Variants in CREB5 observed in about 807,000 individuals in gnomAD.
CREB5 encodes cyclic AMP-responsive element-binding protein 5.
In CREB5, 19 loss-of-function variants were observed where a neutral mutation model predicts 57.1. The ratio of observed to expected loss-of-function variants is 0.33; its 90% CI spans 0.23 to 0.49. The LOEUF (loss-of-function observed/expected upper bound fraction) is 0.49. Among genes scored for constraint, CREB5 ranks in the 20% least tolerant of loss-of-function variants. CREB5 has a pLI of 0.99. For missense variants in CREB5, 579 were observed against 671.6 expected, an observed-to-expected ratio of 0.86 and a Z score of 1.52; for synonymous variants, 238 against 238.3, an observed-to-expected ratio of 1.00 and a Z score of 0.01.
upstream of CREB5, chr7:28,410,647 G>A: frequency 2.3e-6 from 1 of 433,202 alleles, no homozygotes; most frequent in Non-Finnish European, 4.7e-6. Flanking sequence ...GGACTGGAGC[G>A]GGCTACTTGT....
chr7:28,747,572 C>T (rs997568486), intron 7 of CREB5, among the ~76,000 whole-genome samples: 4 of 152,074 alleles, frequency 2.6e-5, no homozygotes, highest in African/African-American at 7.2e-5. Context: ...CTTTCTGCTC[C>T]GAAGCTGAGC....
intron 5 of CREB5, among the ~76,000 whole-genome samples, chr7:28,679,922 G>A (rs1273205181): frequency 6.6e-6 from 1 of 152,162 alleles, no homozygotes; most frequent in African/African-American, 2.4e-5. Context: ...GTCTGTTGCA[G>A]GCATCATTCT....
chr7:28,651,449 A>G (rs919957348), intron 5 of CREB5, among the ~76,000 whole-genome samples: 1 of 152,158 alleles, frequency 6.6e-6, no homozygotes, highest in Non-Finnish European at 1.5e-5. Context: ...AGGTTTAAGA[A>G]AGACTTCTGG....
rs115853558 is a variant in CREB5 at position 28,457,115 on chromosome 7, T to C, written c.4-31060T>C. ...AAATGGGGCTGAATGTATTCTCTTA[T>C]TAGGAGCCCACTCCCACGACCACTA... On this transcript the variant is annotated intron_variant, in intron 1 of 10. Transcript: ENST00000357727. 2.8e-3 allele frequency among the ~76,000 whole-genome samples: 431 copies of C among 152,274 alleles called. 4 individuals carry two copies. Among genetic ancestry groups the C allele is most frequent in the African/African-American group, 0.01 (424 of 41,548 alleles).
intron 1 of CREB5, among the ~76,000 whole-genome samples, chr7:28,396,561 CAT>C (rs1398383909): frequency 4.6e-5 from 7 of 151,980 alleles, no homozygotes; most frequent in African/African-American, 1.4e-4. Context: ...ATGAAAGTAA[CAT>C]ATTATTTGTA....
upstream of CREB5, chr7:28,409,669 G>A: frequency 7.1e-6 from 2 of 281,768 alleles, no homozygotes; most frequent in South Asian, 5.7e-5. The surrounding 1 kb of genome is among the most constrained non-coding windows in gnomAD (Gnocchi z 4.4). Flanking sequence ...GGGAAGTCCG[G>A]CCCCGAGTGC....
chr7:28,560,957 T>TGTGTGTGCGCGTGTGCGTGCGTGCGC lies in CREB5; in HGVS notation c.292-9405_292-9404insTGTGCGCGTGTGCGTGCGTGCGCGTG, dbSNP rs1562798107. ...GTGTGCGTGCGTGTGTGTGCGTGTG[T>TGTGTGTGCGCGTGTGCGTGCGTGCGC]GTGCGTGTGTGTGTGCGTGTGTGCG... On this transcript the variant is annotated intron_variant, in intron 4 of 10. Transcript: ENST00000357727. Among the ~76,000 whole-genome samples, 36 of 43,448 alleles carry TGTGTGTGCGCGTGTGCGTGCGTGCGC rather than the reference T, an allele frequency of 8.3e-4. 2 individuals carry two copies. The highest frequency in any genetic ancestry group is 1.2e-3 in the Admixed American group (5 of 4,026). 28.5% of individuals were successfully genotyped at this position (43,448 alleles called of 152,430 possible).
chr7:28,769,266 T>G (rs1459906791), intron 7 of CREB5, among the ~76,000 whole-genome samples: 1 of 152,264 alleles, frequency 6.6e-6, no homozygotes, highest in African/African-American at 2.4e-5. Context: ...TGTCCTAGAC[T>G]AGTGTTCTGT....
intron 1 of CREB5, among the ~76,000 whole-genome samples, chr7:28,360,183 A>G (rs921742692): frequency 6.6e-6 from 1 of 152,208 alleles, no homozygotes; most frequent in East Asian, 1.9e-4. Flanking sequence ...AAAGCTAAGA[A>G]TAGAATTACC....
At chr7:28,797,780 T>C (rs1008016933) in intron 7 of CREB5, among the ~76,000 whole-genome samples, 11 of 152,230 alleles carry the variant, frequency 7.2e-5, no homozygotes, top group African/African-American at 2.7e-4. Flanking sequence ...TTTGGGCTTT[T>C]TTAGTAATTC....
chr7:28,736,240 G>A (rs149756594), intron 7 of CREB5, among the ~76,000 whole-genome samples: 330 of 152,040 alleles, frequency 2.2e-3, no homozygotes, highest in African/African-American at 7.4e-3. Context: ...TGTGATCTCG[G>A]CTCACTGCAA....
intron 1 of CREB5, among the ~76,000 whole-genome samples, chr7:28,357,430 G>C (rs1786368889): frequency 6.6e-6 from 1 of 152,210 alleles, no homozygotes; most frequent in Non-Finnish European, 1.5e-5. Context: ...GGGAGGTATA[G>C]TAAATTTGGT....
chr7:28,475,170 G>T (rs1427931310), intron 1 of CREB5, among the ~76,000 whole-genome samples: 1 of 148,672 alleles, frequency 6.7e-6, no homozygotes, highest in Non-Finnish European at 1.5e-5. Context: ...TCAAGAGGCT[G>T]AAATGACCAG....
chr7:28,547,042 T>C (rs958561942), intron 4 of CREB5, among the ~76,000 whole-genome samples: 2 of 152,258 alleles, frequency 1.3e-5, no homozygotes, highest in Non-Finnish European at 2.9e-5. Flanking sequence ...AATATATTTG[T>C]TACTTGATTG....
chr7:28,473,742 A>G (rs1271750001), intron 1 of CREB5, among the ~76,000 whole-genome samples: 2 of 152,188 alleles, frequency 1.3e-5, no homozygotes, highest in Non-Finnish European at 2.9e-5. Flanking sequence ...AGGTCAGTGG[A>G]TGAGAGCAGA....
chr7:28,321,655 G>C (rs964044241), intron 1 of CREB5, among the ~76,000 whole-genome samples: 1 of 152,172 alleles, frequency 6.6e-6, no homozygotes, highest in African/African-American at 2.4e-5. Flanking sequence ...GGGCAGGAGA[G>C]GGTTGGCAGA....
chr7:28,662,750 A>G (rs6945988), intron 5 of CREB5, among the ~76,000 whole-genome samples: 50,590 of 152,008 alleles, frequency 0.33, 9,177 homozygotes, highest in African/African-American at 0.47. Flanking sequence ...AGCTTTTGGT[A>G]AATGAGTTAG....
chr7:28,408,415 GA>G (rs1787636119), upstream of CREB5, among the ~76,000 whole-genome samples: 1 of 152,170 alleles, frequency 6.6e-6, no homozygotes, highest in Non-Finnish European at 1.5e-5. Flanking sequence ...TCAGCAGGGG[GA>G]TGGTGACAGT....
intron 7 of CREB5, among the ~76,000 whole-genome samples, chr7:28,770,958 G>A (rs73077878): frequency 0.028 from 4,275 of 152,228 alleles, 117 homozygotes; most frequent in South Asian, 0.1. Flanking sequence ...ACTAGGTGAG[G>A]TGTTAATTAA....
Sources: gnomAD v4.1 joint callset for allele counts (sites outside exome capture counted in the v4.1 genomes callset) on GRCh38, gnomAD v4.1.1 for gene constraint, Gnocchi (gnomAD v3.1) non-coding constraint, MANE v1.5 for transcripts, NCBI Gene and HGNC (gene_info 2026-07-23, HGNC 2026-07-21) for gene names.